INPP5B: variants seen among roughly 807,000 people sequenced by gnomAD.
The protein encoded by INPP5B is type II inositol 1,4,5-trisphosphate 5-phosphatase.
A neutral mutation model predicts 118.5 loss-of-function variants in INPP5B; 90 were observed. The observed-to-expected ratio is 0.76, with a 90% CI of 0.64 to 0.90. INPP5B has a LOEUF of 0.90. INPP5B is among the 40% of genes least tolerant of loss of function. The pLI is 0.00. For missense variants in INPP5B, 984 were observed against 1,125.6 expected (o/e 0.87, Z 1.80); for synonymous variants, 385 against 418.9 (o/e 0.92, Z 0.99).
At chr1:37,886,190 C>CA (rs377084861) in intron 12 of INPP5B, among the ~76,000 whole-genome samples, 3,356 of 142,336 alleles carry the variant, frequency 0.024, 115 homozygotes, top group African/African-American at 0.08. Flanking sequence ...AACAAACAAA[C>CA]AAAAAAAAAA....
At chr1:37,936,818 AG>A (rs1198636403) in intron 6 of INPP5B, among the ~76,000 whole-genome samples, 2 of 150,232 alleles carry the variant, frequency 1.3e-5, no homozygotes, top group African/African-American at 2.5e-5. Context: ...CCACCCGTCT[AG>A]GCCTTCCAAA....
Position 37,888,329 on chromosome 1 carries a change from T to A in INPP5B, c.813A>T (p.Thr271=). 6.5e-7 allele frequency: 1 copy of A among 1,548,116 alleles called. No individual in the cohort carries two copies. Among genetic ancestry groups the A allele is most frequent in the Non-Finnish European group, 8.7e-7 (1 of 1,148,586 alleles). ...TGGGGGACTGCCCATTTACATTGTA[T>A]GTTCCCGCAAAAAACCTGTCACCAA... The part of the protein sequence containing the change: ...YIQNFRFFAG[T]YNVNGQSPKE... Residue 271 remains threonine, a synonymous_variant, in exon 10 of 24, where the codon ACA becomes ACT. Transcript: ENST00000373024.
At chr1:37,932,074 G>C in intron 6 of INPP5B, 21 bp from the exon 7 acceptor site, 1 of 1,556,012 alleles carries the variant, frequency 6.4e-7, no homozygotes, top group Admixed American at 1.9e-5. Flanking sequence ...ACAAATGGGG[G>C]CAGACTGAGC....
In INPP5B at chr1:37,940,830, G is replaced by T. The variant is rs781440122; in HGVS notation, c.281-32C>A. 7 of 1,468,196 alleles carry T rather than the reference G, an allele frequency of 4.8e-6. No individual in the cohort carries two copies. In the South Asian group the frequency reaches 6.8e-5, roughly 14 times the overall value. 90.9% of individuals were successfully genotyped at this position (1,468,196 alleles called of 1,614,324 possible). Reference sequence around the variant, plus strand: ...AAAGGAGGCAGGAAATGAACCCTTGGCTGCCAGGAGCTAAGTGCTTGATGC... The same window carrying T: ...AAAGGAGGCAGGAAATGAACCCTTGTCTGCCAGGAGCTAAGTGCTTGATGC... On this transcript the variant is annotated intron_variant, in intron 5 of 23. Coordinates refer to ENST00000373024, the MANE Select transcript of INPP5B (RefSeq NM_005540.3).
intron 5 of INPP5B, 57 bp downstream of exon 5, chr1:37,943,583 C>G: frequency 1.3e-6 from 2 of 1,584,164 alleles, no homozygotes; most frequent in Non-Finnish European, 1.7e-6. Flanking sequence ...ATTCTTCTTT[C>G]TCTGAAAATC....
intron 6 of INPP5B, among the ~76,000 whole-genome samples, chr1:37,939,765 A>G (rs1469673340): frequency 6.6e-6 from 1 of 152,006 alleles, no homozygotes; most frequent in Non-Finnish European, 1.5e-5. Flanking sequence ...TTTTAGAGAC[A>G]GGGGTCTCAC....
At chr1:37,898,066 C>T (rs1198275754) in intron 7 of INPP5B, among the ~76,000 whole-genome samples, 3 of 152,152 alleles carry the variant, frequency 2.0e-5, no homozygotes, top group South Asian at 2.1e-4. Flanking sequence ...AACTGTGATA[C>T]ATCCATATAA....
intron 19 of INPP5B, 104 bp downstream of exon 19, chr1:37,872,826 C>G: frequency 1.2e-6 from 1 of 807,936 alleles, no homozygotes; most frequent in Non-Finnish European, 2.0e-6. Context: ...CTCTAGGAAG[C>G]TGAAGAGTTT....
chr1:37,867,827 CCT>C (rs1642137920), intron 20 of INPP5B, among the ~76,000 whole-genome samples: 1 of 152,034 alleles, frequency 6.6e-6, no homozygotes, highest in African/African-American at 2.4e-5. Flanking sequence ...CATCTGATCC[CCT>C]GCCTCTGCTT....
At chr1:37,864,458 C>A in intron 22 of INPP5B, 35 bp from the exon 23 acceptor site, 1 of 1,263,082 alleles carries the variant, frequency 7.9e-7, no homozygotes, top group South Asian at 1.2e-5. Context: ...GTCTTTTGTT[C>A]ACTGAATCAT....
chr1:37,918,276 A>T (rs1376030560), intron 7 of INPP5B, among the ~76,000 whole-genome samples: 1 of 152,018 alleles, frequency 6.6e-6, no homozygotes, highest in African/African-American at 2.4e-5. Flanking sequence ...CTCTGCTCTA[A>T]ATCTTCCTGT....
chr1:37,913,926 T>C (rs1644783071), intron 7 of INPP5B, among the ~76,000 whole-genome samples: 1 of 152,302 alleles, frequency 6.6e-6, no homozygotes, highest in African/African-American at 2.4e-5. Context: ...TTGTGATTTG[T>C]TCCTGCCCCA....
intron 7 of INPP5B, among the ~76,000 whole-genome samples, chr1:37,896,998 C>T (rs1409608390): frequency 2.3e-4 from 25 of 108,842 alleles, no homozygotes; most frequent in East Asian, 1.0e-3. Flanking sequence ...GTCAGCCCCC[C>T]GCCCGGCCAG....
chr1:37,901,380 A>G (rs970671283), intron 7 of INPP5B, among the ~76,000 whole-genome samples: 5 of 152,198 alleles, frequency 3.3e-5, no homozygotes. Flanking sequence ...TCAAAATTTC[A>G]GGGGCCTTTA....
chr1:37,945,487 C>A (rs531065719), intron 3 of INPP5B, among the ~76,000 whole-genome samples: 2 of 152,302 alleles, frequency 1.3e-5, no homozygotes, highest in African/African-American at 4.8e-5. Flanking sequence ...TGGGTTTGAA[C>A]CCAGGCATTT....
At chr1:37,878,526 CA>C (rs1642985172) in intron 15 of INPP5B, 2 of 984,442 alleles carry the variant, frequency 2.0e-6, no homozygotes, top group African/African-American at 3.5e-5. Context: ...CATGAAAGCT[CA>C]AAGCCAAAAC....
Position 37,907,603 on chromosome 1 carries a change from G to T in INPP5B, c.533-16149C>A, listed in dbSNP as rs1458615032. 2.0e-5 allele frequency among the ~76,000 whole-genome samples: 3 copies of T among 152,092 alleles called. No homozygotes were observed. Among genetic ancestry groups the T allele is most frequent in the South Asian group, 2.1e-4 (1 of 4,816 alleles). On this transcript the variant is annotated intron_variant, in intron 7 of 23. Transcript: ENST00000373024. The surrounding 1 kb of genome is among the most constrained non-coding windows in gnomAD (Gnocchi z 4.3). ...TCTAAGTCACTGGATGAGATGTGAG[G>T]GTCAGCACAAGGCACAGGTCATAAA...
At chr1:37,898,412 T>G (rs564723823) in intron 7 of INPP5B, among the ~76,000 whole-genome samples, 6 of 152,120 alleles carry the variant, frequency 3.9e-5, no homozygotes, top group Non-Finnish European at 7.4e-5. Flanking sequence ...AGAATGAAAC[T>G]GGGCTGGGCA....
Position 37,943,656 on chromosome 1 carries a change from A to C in INPP5B, c.264T>G (p.Gly88=), listed in dbSNP as rs28667395. The change falls in exon 5 of 24, where the codon GGT becomes GGG. Residue 88 remains glycine (G), a synonymous_variant. Transcript: ENST00000373024. ...ACCACTCACCAAGGATGTAGAGTTC[A>C]CCATCTGGGGACACTGTGGGGAGGG... is the stretch of plus-strand genomic sequence containing the variant. ...DFTLEEVSPD[G]ELYILGSDVT... is the part of the protein sequence containing the mutation. The C allele has an allele frequency of 6.2e-6, 10 of 1,613,938 alleles. No homozygotes were observed.
Sources: allele counts gnomAD v4.1 joint callset (sites outside exome capture counted in the v4.1 genomes callset), GRCh38; gene constraint gnomAD v4.1.1; non-coding constraint Gnocchi (gnomAD v3.1); transcripts MANE v1.5; gene names NCBI Gene and HGNC (gene_info 2026-07-23, HGNC 2026-07-21).